CDKAL1: variants seen among roughly 807,000 people sequenced by gnomAD.
The protein encoded by CDKAL1 is threonylcarbamoyladenosine tRNA methylthiotransferase.
In CDKAL1, 32 loss-of-function variants were observed where a neutral mutation model predicts 68.2. That is an observed-to-expected ratio of 0.47 (90% CI 0.35 to 0.63). The LOEUF is 0.63. CDKAL1 is among the 30% of genes least tolerant of loss of function. The pLI is 0.00. For synonymous variants in CDKAL1, 234 were observed against 244.3 expected, an observed-to-expected ratio of 0.96 and a Z score of 0.39; for missense variants, 606 against 696.7, an observed-to-expected ratio of 0.87 and a Z score of 1.47.
chr6:20,995,539 A>G (rs1419281170), intron 10 of CDKAL1, among the ~76,000 whole-genome samples: 1 of 152,206 alleles, frequency 6.6e-6, no homozygotes, highest in Non-Finnish European at 1.5e-5. Flanking sequence ...GACCAGGTGC[A>G]TTGTCCATGA....
chr6:21,148,957 C>T (rs1776292769), intron 13 of CDKAL1, among the ~76,000 whole-genome samples: 3 of 152,080 alleles, frequency 2.0e-5, no homozygotes, highest in Admixed American at 6.6e-5. Context: ...TGAAGTTTTA[C>T]ATCTTGTAGC....
rs185034829 is a variant in CDKAL1, at chr6:21,126,283, G to C, written c.1299+17820G>C. On this transcript the variant is annotated intron_variant, in intron 13 of 15. Transcript: ENST00000274695. ...TCTGTAGTTATATAAAGAGAGTAAA[G>C]CTCCTTATAATGGAGCGATGCCCCC... Among the ~76,000 whole-genome samples, 155 of 152,278 alleles carry C rather than the reference G, an allele frequency of 1.0e-3. 1 individual carries two copies. Among genetic ancestry groups the C allele is most frequent in the African/African-American group, 3.6e-3 (149 of 41,560 alleles).
chr6:20,635,888 G>A (rs1767883760), intron 4 of CDKAL1, among the ~76,000 whole-genome samples: 1 of 152,178 alleles, frequency 6.6e-6, no homozygotes, highest in Non-Finnish European at 1.5e-5. Flanking sequence ...GTAAACTTTA[G>A]TATTTTTTAT....
intron 11 of CDKAL1, among the ~76,000 whole-genome samples, chr6:21,019,591 C>T (rs1405688468): frequency 6.6e-6 from 1 of 152,088 alleles, no homozygotes; most frequent in African/African-American, 2.4e-5. Flanking sequence ...TTACATAATA[C>T]CTTTGTCAGA....
At chr6:20,588,356 C>T (rs914648212) in intron 4 of CDKAL1, among the ~76,000 whole-genome samples, 3 of 152,202 alleles carry the variant, frequency 2.0e-5, no homozygotes, top group African/African-American at 7.2e-5. Flanking sequence ...GACTCCCTCA[C>T]CCAAAAATTC....
chr6:21,032,402 A>G (rs1769343081), intron 11 of CDKAL1, among the ~76,000 whole-genome samples: 1 of 152,152 alleles, frequency 6.6e-6, no homozygotes, highest in Middle Eastern at 3.2e-3. Context: ...TACTCCAGAA[A>G]TGTTCAAAAC....
intron 12 of CDKAL1, among the ~76,000 whole-genome samples, chr6:21,098,343 C>T (rs1220105200): frequency 2.6e-5 from 4 of 151,924 alleles, no homozygotes; most frequent in Non-Finnish European, 5.9e-5. Flanking sequence ...ATAAGGTGAG[C>T]GTGGGAGACT....
chr6:20,656,698 T>TCC (rs1354208977), intron 5 of CDKAL1, among the ~76,000 whole-genome samples: 1 of 152,142 alleles, frequency 6.6e-6, no homozygotes, highest in Non-Finnish European at 1.5e-5. Flanking sequence ...ATAACTTGTG[T>TCC]CAATGGGTTT....
chr6:20,607,543 T>A (rs1374012286), intron 4 of CDKAL1, among the ~76,000 whole-genome samples: 1 of 151,268 alleles, frequency 6.6e-6, no homozygotes, highest in Non-Finnish European at 1.5e-5. Context: ...GGAGAGGGAG[T>A]GGTGGCTACC....
At chr6:20,906,273 A>G (rs951598966) in intron 9 of CDKAL1, among the ~76,000 whole-genome samples, 1 of 152,058 alleles carries the variant, frequency 6.6e-6, no homozygotes, top group African/African-American at 2.4e-5. Flanking sequence ...CACACAACAT[A>G]TAAAGGTATA....
At chr6:21,068,794 TG>T (rs777120829) in intron 12 of CDKAL1, among the ~76,000 whole-genome samples, 4 of 152,228 alleles carry the variant, frequency 2.6e-5, no homozygotes, top group Non-Finnish European at 5.9e-5. Flanking sequence ...ATAGGTCATT[TG>T]GGGGAAACTG....
At chr6:20,921,421 C>T (rs1762951921) in intron 9 of CDKAL1, among the ~76,000 whole-genome samples, 1 of 152,124 alleles carries the variant, frequency 6.6e-6, no homozygotes, top group South Asian at 2.1e-4. Context: ...AGCAAGACTC[C>T]GTCTCAAAAT....
intron 5 of CDKAL1, among the ~76,000 whole-genome samples, chr6:20,654,954 T>A (rs148450248): frequency 1.1e-3 from 171 of 152,326 alleles, no homozygotes; most frequent in African/African-American, 3.9e-3. Flanking sequence ...AATACTGTTG[T>A]GTGTTTGTGA....
chr6:20,700,923 G>A (rs1282705815), intron 5 of CDKAL1, among the ~76,000 whole-genome samples: 1 of 145,966 alleles, frequency 6.9e-6, no homozygotes, highest in Non-Finnish European at 1.5e-5. Context: ...CACTTTTTAT[G>A]TAATCTGTTT....
intron 4 of CDKAL1, among the ~76,000 whole-genome samples, chr6:20,583,348 T>C (rs1040918464): frequency 6.6e-6 from 1 of 152,238 alleles, no homozygotes; most frequent in Non-Finnish European, 1.5e-5. Context: ...TAAATATCTG[T>C]AACTCTTACT....
chr6:20,668,084 T>G lies in CDKAL1; in HGVS notation c.371+18707T>G, dbSNP rs75529032. 9.6e-3 allele frequency among the ~76,000 whole-genome samples: 1,458 copies of G among 152,052 alleles called. 26 individuals carry two copies. Among genetic ancestry groups the G allele is most frequent in the African/African-American group, 0.034 (1,391 of 41,472 alleles). On this transcript the variant is annotated intron_variant, in intron 5 of 15. Transcript: ENST00000274695. ...CTTTGTGTTTTTCCCTCCCCCTCTC[T>G]TTCTTCCCTCCCTGCCTCCCTTCCT...
At chr6:20,900,316 A>C (rs1336399714) in intron 9 of CDKAL1, among the ~76,000 whole-genome samples, 1 of 152,214 alleles carries the variant, frequency 6.6e-6, no homozygotes, top group Non-Finnish European at 1.5e-5. Flanking sequence ...AGTGAAAACC[A>C]TTTTTTGATG....
At chr6:20,584,856 T>C (rs115342525) in intron 4 of CDKAL1, among the ~76,000 whole-genome samples, 1 of 152,142 alleles carries the variant, frequency 6.6e-6, no homozygotes, top group African/African-American at 2.4e-5. Flanking sequence ...TCATGTAGAC[T>C]CTGAGGTCCC....
chr6:20,566,557 T>C (rs894804667), intron 4 of CDKAL1, among the ~76,000 whole-genome samples: 2 of 152,216 alleles, frequency 1.3e-5, no homozygotes, highest in Non-Finnish European at 2.9e-5. Flanking sequence ...CTCTAAGTAC[T>C]GTAAGCTTTT....
Sources: allele counts gnomAD v4.1 joint callset (sites outside exome capture counted in the v4.1 genomes callset), GRCh38; gene constraint gnomAD v4.1.1; transcripts MANE v1.5; gene names NCBI Gene and HGNC (gene_info 2026-07-23, HGNC 2026-07-21).